RPGRIP1: variants seen among roughly 807,000 people sequenced by gnomAD.
RPGRIP1 encodes the protein X-linked retinitis pigmentosa GTPase regulator-interacting protein 1.
Under a neutral mutation model 157.9 loss-of-function variants are expected in RPGRIP1, and 128 were observed. The observed-to-expected ratio is 0.81, with a 90% CI of 0.70 to 0.94. RPGRIP1 has a LOEUF of 0.94. Ranked by LOEUF, RPGRIP1 falls within the 40% of genes least tolerant of loss-of-function variation. RPGRIP1 has a pLI of 0.00. For missense variants in RPGRIP1, 1,486 were observed against 1,545.8 expected (o/e 0.96, Z 0.65); for synonymous variants, 554 against 571.6 (o/e 0.97, Z 0.44).
chr14:21,317,051 C>T (rs1301254557), intron 10 of RPGRIP1, among the ~76,000 whole-genome samples: 2 of 151,184 alleles, frequency 1.3e-5, no homozygotes, highest in Admixed American at 6.6e-5. Flanking sequence ...ACCTGGGAGG[C>T]AGAGGTTGCA....
intron 21 of RPGRIP1, among the ~76,000 whole-genome samples, chr14:21,335,147 A>T (rs1057129738): frequency 2.6e-5 from 4 of 152,038 alleles, no homozygotes; most frequent in African/African-American, 9.7e-5. Context: ...GGAAAATGCA[A>T]ATTGTTTAGT....
Position 21,344,960 on chromosome 14 carries a change from G to A in RPGRIP1, c.3533-153G>A, listed in dbSNP as rs1277376188. Among the ~76,000 whole-genome samples, 4 of 151,946 alleles carry A rather than the reference G, an allele frequency of 2.6e-5. No individual in the cohort carries two copies. The East Asian group carries it at 7.7e-4, about 29-fold the overall frequency. On this transcript the variant is annotated intron_variant, in intron 22 of 24. Transcript: ENST00000400017. ...CTGTCACACACACACACACACAAAT[G>A]ATTTTCAAAGCAGTTGGTCCATGTT...
rs776264535 is a variant in RPGRIP1 at position 21,320,126 on chromosome 14, A to G, written c.1416A>G (p.Gln472=). The part of the protein sequence containing the change: ...AATISQPPDR[Q]SEPATHPAVL... ...CAATTTCCCAACCTCCTGACAGGCAATCTGAACCAGCCACTCACCCAGCTG... is the reference window on the plus strand; with the variant it reads ...CAATTTCCCAACCTCCTGACAGGCAGTCTGAACCAGCCACTCACCCAGCTG... The change falls in exon 12 of 25, where the codon CAA becomes CAG. Residue 472 remains glutamine, a synonymous_variant. Coordinates refer to ENST00000400017, the MANE Select transcript of RPGRIP1 (RefSeq NM_020366.4). 6.2e-7 allele frequency: 1 copy of G among 1,613,940 alleles called. No homozygotes were observed. The highest frequency in any genetic ancestry group is 8.5e-7 in the Non-Finnish European group (1 of 1,179,864).
chr14:21,330,690 A>AT (rs1252346271), intron 20 of RPGRIP1, among the ~76,000 whole-genome samples: 1 of 151,842 alleles, frequency 6.6e-6, no homozygotes, highest in Admixed American at 6.6e-5. Context: ...AAAAATATAT[A>AT]TTTTTTCTGT....
chr14:21,294,330 A>T (rs1161136671), intron 2 of RPGRIP1, among the ~76,000 whole-genome samples: 1 of 151,602 alleles, frequency 6.6e-6, no homozygotes, highest in Non-Finnish European at 1.5e-5. Flanking sequence ...TCCCAGGCTC[A>T]AGCAATTCTC....
In RPGRIP1 at chr14:21,326,013, G is replaced by A. The variant is rs200268506; in HGVS notation, c.2550G>A (p.Gln850=). 5.4e-4 allele frequency: 875 copies of A among 1,613,830 alleles called. No individual in the cohort carries two copies. Among genetic ancestry groups the A allele is most frequent in the Non-Finnish European group, 7.2e-4 (847 of 1,179,884 alleles). ...GTAACAACCCCTACTTTAGAGACCA[G>A]GCTCGATTCCCAGTGCTTGTGACCT... ...PASNNPYFRD[Q]ARFPVLVTSD... Residue 850 remains glutamine, a synonymous_variant, in exon 17 of 25, where the codon CAG becomes CAA. Transcript: ENST00000400017.
At chr14:21,292,794 G>A (rs1177696020) in intron 2 of RPGRIP1, among the ~76,000 whole-genome samples, 1 of 151,818 alleles carries the variant, frequency 6.6e-6, no homozygotes, top group East Asian at 1.9e-4. Context: ...AGGTTGCAGT[G>A]AGCCAAGACA....
chr14:21,280,115 T>C lies in RPGRIP1; in HGVS notation c.-83T>C, dbSNP rs1201394141. On this transcript the variant is annotated 5_prime_UTR_variant, in exon 1 of 25. Transcript: ENST00000400017. ...AGAGTACTAAAGGACACCAGAACAT[T>C]GAGAGAAAAGAATTAGCGACAGCTA... 6.6e-6 allele frequency among the ~76,000 whole-genome samples: 1 copy of C among 152,248 alleles called. No individual in the cohort carries two copies. The highest frequency in any genetic ancestry group is 1.9e-4 in the East Asian group (1 of 5,190).
chr14:21,297,714 T>C (rs1289878435), intron 3 of RPGRIP1, among the ~76,000 whole-genome samples: 3 of 152,146 alleles, frequency 2.0e-5, no homozygotes, highest in African/African-American at 7.2e-5. Context: ...CTTATTATAG[T>C]ATCTAAGCTT....
intron 3 of RPGRIP1, among the ~76,000 whole-genome samples, chr14:21,300,305 C>CA (rs35287014): frequency 0.37 from 36,116 of 97,838 alleles, 5,255 homozygotes; most frequent in East Asian, 0.62. Flanking sequence ...AAGTCCGTCT[C>CA]AAAAAAAAAA....
chr14:21,334,431 G>A (rs1356735272), intron 20 of RPGRIP1, among the ~76,000 whole-genome samples, 174 bp from the exon 21 acceptor site: 1 of 151,580 alleles, frequency 6.6e-6, no homozygotes, highest in Non-Finnish European at 1.5e-5. Flanking sequence ...TGTTTGGCAA[G>A]CTTCTGAATA....
At chr14:21,341,932 C>T (rs918839331) in intron 21 of RPGRIP1, among the ~76,000 whole-genome samples, 5 of 151,980 alleles carry the variant, frequency 3.3e-5, no homozygotes, top group Admixed American at 6.6e-5. Context: ...TGCCTGTAGT[C>T]CCAGCTACTC....
At chr14:21,293,360 A>T (rs1252031143) in intron 2 of RPGRIP1, among the ~76,000 whole-genome samples, 1 of 152,168 alleles carries the variant, frequency 6.6e-6, no homozygotes, top group Admixed American at 6.6e-5. Flanking sequence ...AAATCAAAAA[A>T]AGTTTTTATC....
Position 21,351,095 on chromosome 14 carries a change from TCCCAA to T in RPGRIP1, c.3749-7_3749-3del. Reference sequence around the variant, plus strand: ...CTGAGTGATGCTGTTTTTTTCCCTTTCCCAACAGTTGTTAGCCCTGAAGATCTGGC... The same window carrying T: ...CTGAGTGATGCTGTTTTTTTCCCTTTCAGTTGTTAGCCCTGAAGATCTGGC... On this transcript the variant is annotated splice_region_variant and splice_polypyrimidine_tract_variant and intron_variant, in intron 24 of 24. Coordinates refer to ENST00000400017, the MANE Select transcript of RPGRIP1 (RefSeq NM_020366.4). 6.4e-7 allele frequency: 1 copy of T among 1,566,526 alleles called. No individual in the cohort carries two copies. Among genetic ancestry groups the T allele is most frequent in the African/African-American group, 1.4e-5 (1 of 73,942 alleles).
rs780678936 is a variant in RPGRIP1 at position 21,321,984 on chromosome 14, GC to G, written c.1744del (p.His582MetfsTer56). The part of the protein sequence containing the change: ...RIKQLEGILR[S>X]HDLPTSEQLK... ...AAGCAGCTGGAAGGTATTTTAAGAA[GC>G]CATGACCTTCCAACATCTGGCAAGT... On this transcript the variant is annotated frameshift_variant, in exon 14 of 25. Coordinates refer to ENST00000400017, the MANE Select transcript of RPGRIP1 (RefSeq NM_020366.4). LOFTEE classifies it high-confidence loss of function. The G allele has an allele frequency of 6.2e-7, 1 of 1,612,976 alleles. No individual in the cohort carries two copies. The highest frequency in any genetic ancestry group is 1.7e-5 in the Admixed American group (1 of 59,764).
intron 13 of RPGRIP1, 116 bp from the exon 14 acceptor site, chr14:21,321,738 G>T (rs141092268): frequency 9.6e-7 from 1 of 1,040,242 alleles, no homozygotes; most frequent in Non-Finnish European, 1.4e-6. Context: ...TCTTCTAGTG[G>T]GTGAACCTGC....
In RPGRIP1 at chr14:21,326,126, G is replaced by A. The variant is rs559905596; in HGVS notation, c.2663G>A (p.Arg888Gln). 3.8e-5 allele frequency: 60 copies of A among 1,599,628 alleles called. No individual in the cohort carries two copies. Among genetic ancestry groups the A allele is most frequent in the South Asian group, 3.0e-4 (27 of 89,664 alleles). ...TTAGAGCCTGGCTCGTATCTTGGCC[G>A]AGCCCGAGTGCCTTTACTGCCTCTT... ...EDLEPGSYLG[R>Q]ARVPLLPLAK... The change falls in exon 17 of 25, where the codon CGA (arginine) becomes CAA (glutamine). Residue 888 changes from arginine (R) to glutamine (Q), a missense_variant. Physicochemically the swap from Arg to Gln is conservative, Grantham distance 43. Coordinates refer to ENST00000400017, the MANE Select transcript of RPGRIP1 (RefSeq NM_020366.4).
chr14:21,302,461 G>A (rs753192367), intron 4 of RPGRIP1, 27 bp from the exon 5 acceptor site: 12 of 1,382,580 alleles, frequency 8.7e-6, no homozygotes, highest in Non-Finnish European at 1.2e-5. Context: ...TGTTGCCCGA[G>A]TCTGCATCTT....
chr14:21,294,197 G>A (rs1880660378), intron 2 of RPGRIP1, among the ~76,000 whole-genome samples: 1 of 151,484 alleles, frequency 6.6e-6, no homozygotes, highest in African/African-American at 2.4e-5. Flanking sequence ...TATAGAAAGG[G>A]TCTCCAGGGA....
Sources: gnomAD v4.1 joint callset for allele counts (sites outside exome capture counted in the v4.1 genomes callset) on GRCh38, gnomAD v4.1.1 for gene constraint, MANE v1.5 for transcripts, NCBI Gene and HGNC (gene_info 2026-07-23, HGNC 2026-07-21) for gene names.